MALRD1: variants seen among roughly 807,000 people sequenced by gnomAD.
The protein encoded by MALRD1 is MAM and LDL-receptor class A domain-containing protein 1.
In MALRD1, 247 loss-of-function variants were observed where a neutral mutation model predicts 242.1. The ratio of observed to expected loss-of-function variants is 1.02; its 90% CI spans 0.92 to 1.13. The LOEUF (loss-of-function observed/expected upper bound fraction) is 1.13, where lower values mean the gene tolerates loss of function less well. Among genes scored for constraint, MALRD1 ranks in the 50% most tolerant of loss-of-function variants. The probability of loss-of-function intolerance (pLI) is 0.00; values close to 1 mark genes in which losing one functional copy is unlikely to be tolerated. For synonymous variants in MALRD1, 995 were observed against 866.6 expected (o/e 1.15, Z -2.60); for missense variants, 2,989 against 2,533.1 (o/e 1.18, Z -3.86).
chr10:19,558,700 T>C (rs1835832564), intron 32 of MALRD1, among the ~76,000 whole-genome samples: 1 of 152,172 alleles, frequency 6.6e-6, no homozygotes, highest in Non-Finnish European at 1.5e-5. Context: ...TTTTCCTTTC[T>C]AGTAATGTTT....
chr10:19,730,276 T>C (rs1835234786), intron 38 of MALRD1, among the ~76,000 whole-genome samples: 1 of 152,216 alleles, frequency 6.6e-6, no homozygotes, highest in Non-Finnish European at 1.5e-5. Context: ...GATACTGTCA[T>C]GGAAAACAGT....
Position 19,641,890 on chromosome 10 carries a change from C to A in MALRD1, c.6137+25967C>A, listed in dbSNP as rs538925157. On this transcript the variant is annotated intron_variant, in intron 36 of 39. Transcript: ENST00000454679. The stretch of plus-strand genomic sequence containing the variant: ...AAATGACCCAAGTGGTGTTACAACC[C>A]ACAGATCTAAACTCTGTCCTTTTAT... 1.3e-4 allele frequency among the ~76,000 whole-genome samples: 20 copies of A among 152,022 alleles called. 1 individual carries two copies. In the South Asian group the frequency reaches 4.0e-3, roughly 30 times the overall value.
rs996105083 is a variant in MALRD1 at position 19,124,539 on chromosome 10, G to A, written c.812G>A (p.Gly271Glu). The change falls in exon 7 of 40, where the codon GGG becomes GAG. Residue 271 changes from glycine (G) to glutamate (E), a missense_variant. Coordinates refer to ENST00000454679, the MANE Select transcript of MALRD1 (RefSeq NM_001142308.3). Reference protein sequence around the residue: ...DEELRLCQACGFEFDMCEWTS... With the variant: ...DEELRLCQACEFEFDMCEWTS... ...TCCCGTTTAGTGTGTCAGGCCTGTG[G>A]GTTTGAATTTGACATGTGTGAGTGG... 4 of 1,233,656 alleles carry A rather than the reference G, an allele frequency of 3.2e-6. No individual in the cohort carries two copies. The highest frequency in any genetic ancestry group is 4.2e-5 in the Admixed American group (1 of 23,670). The allele number at this position is 1,233,656 out of a possible 1,614,324, so 76.4% of individuals were successfully genotyped here.
At chr10:19,047,690 A>T (rs1198092935), upstream of MALRD1, among the ~76,000 whole-genome samples, 1 of 152,160 alleles carries the variant, frequency 6.6e-6, no homozygotes, top group African/African-American at 2.4e-5. Flanking sequence ...GATTATGTGG[A>T]GTGCTCAGAG....
chr10:19,498,737 T>C, intron 31 of MALRD1, 91 bp downstream of exon 31: 1 of 1,412,720 alleles, frequency 7.1e-7, no homozygotes, highest in Non-Finnish European at 9.5e-7. Flanking sequence ...GCATTTCTTA[T>C]GTGTATGTGG....
chr10:19,063,888 A>G (rs1171663265), intron 1 of MALRD1, among the ~76,000 whole-genome samples: 1 of 152,128 alleles, frequency 6.6e-6, no homozygotes, highest in Admixed American at 6.5e-5. Context: ...GCACATGTAT[A>G]CATATGTAAC....
At chr10:19,436,326 G>A (rs542654518) in intron 28 of MALRD1, among the ~76,000 whole-genome samples, 6 of 152,260 alleles carry the variant, frequency 3.9e-5, no homozygotes, top group African/African-American at 1.2e-4. Flanking sequence ...GCAATCATCT[G>A]TATCTAAATT....
chr10:19,578,985 T>C (rs1208657429), intron 33 of MALRD1, among the ~76,000 whole-genome samples: 2 of 152,168 alleles, frequency 1.3e-5, no homozygotes, highest in Non-Finnish European at 2.9e-5. Flanking sequence ...TAGTTGTTTC[T>C]ATTAGGAAGG....
intron 28 of MALRD1, among the ~76,000 whole-genome samples, chr10:19,393,731 A>C (rs1846449366): frequency 6.6e-6 from 1 of 151,808 alleles, no homozygotes; most frequent in South Asian, 2.1e-4. Flanking sequence ...GCTGGATTAC[A>C]GGCGTGAGCC....
At chr10:19,319,597 A>G (rs1842836419) in intron 21 of MALRD1, among the ~76,000 whole-genome samples, 1 of 152,150 alleles carries the variant, frequency 6.6e-6, no homozygotes, top group Non-Finnish European at 1.5e-5. Flanking sequence ...ACATTTATTT[A>G]TCACAGTTCT....
At chr10:19,676,130 A>G (rs1474468832) in intron 36 of MALRD1, among the ~76,000 whole-genome samples, 1 of 152,176 alleles carries the variant, frequency 6.6e-6, no homozygotes, top group Non-Finnish European at 1.5e-5. Context: ...TGAGTCAAGG[A>G]GGAATTGAGA....
At chr10:19,389,690 A>G (rs1349150266) in intron 28 of MALRD1, 81 bp downstream of exon 28, 6 of 1,417,072 alleles carry the variant, frequency 4.2e-6, no homozygotes, top group African/African-American at 1.4e-5. Flanking sequence ...CTCAGGCTGC[A>G]GTGCAGTGGT....
At chr10:19,159,655 A>C (rs4320861) in intron 12 of MALRD1, among the ~76,000 whole-genome samples, 1 of 151,826 alleles carries the variant, frequency 6.6e-6, no homozygotes, top group Non-Finnish European at 1.5e-5. Context: ...AAAGAAAGAA[A>C]GAAAACAGAA....
At chr10:19,675,812 A>G (rs143723105) in intron 36 of MALRD1, among the ~76,000 whole-genome samples, 41 of 152,330 alleles carry the variant, frequency 2.7e-4, no homozygotes, top group Middle Eastern at 3.4e-3. Context: ...CCTATCTTCT[A>G]AAAGCATATA....
chr10:19,246,694 A>T (rs893303695), intron 18 of MALRD1, among the ~76,000 whole-genome samples: 3 of 152,146 alleles, frequency 2.0e-5, no homozygotes, highest in African/African-American at 7.2e-5. Flanking sequence ...CATAACTGAG[A>T]TAAAAGTCCA....
intron 12 of MALRD1, among the ~76,000 whole-genome samples, chr10:19,164,737 A>G (rs756040826): frequency 2.0e-5 from 3 of 152,180 alleles, no homozygotes; most frequent in Non-Finnish European, 4.4e-5. Flanking sequence ...AATCAATAAC[A>G]GTACGCAATT....
intron 26 of MALRD1, among the ~76,000 whole-genome samples, chr10:19,359,574 G>T (rs531906792): frequency 6.6e-6 from 1 of 152,066 alleles, no homozygotes; most frequent in South Asian, 2.1e-4. Context: ...TTTCACTATT[G>T]TCTTTCCTGT....
At chr10:19,551,202 A>G (rs1589230212) in intron 32 of MALRD1, among the ~76,000 whole-genome samples, 1 of 152,240 alleles carries the variant, frequency 6.6e-6, no homozygotes, top group East Asian at 1.9e-4. Context: ...GATGCTGGAT[A>G]TTAGACCTTT....
In MALRD1 at chr10:19,530,385, T is replaced by TATAA. The variant is rs1564417200; in HGVS notation, c.5321-806_5321-805insAATA. Among the ~76,000 whole-genome samples the TATAA allele has an allele frequency of 7.6e-3, 650 of 85,094 alleles. 34 individuals carry two copies. Among genetic ancestry groups the TATAA allele is most frequent in the South Asian group, 0.013 (43 of 3,250 alleles). The allele number at this position is 85,094 out of a possible 152,430, so 55.8% of individuals were successfully genotyped here. A position where few individuals can be genotyped will look rare whatever the true frequency, so the allele number is the denominator to read the frequency against. ...TATATAAATATTTATATAAATATTA[T>TATAA]ATATTTATATAAATATTATATATTT... On this transcript the variant is annotated intron_variant, in intron 31 of 39. Transcript: ENST00000454679.
Sources: gnomAD v4.1 joint callset for allele counts (sites outside exome capture counted in the v4.1 genomes callset) on GRCh38, gnomAD v4.1.1 for gene constraint, MANE v1.5 for transcripts, NCBI Gene and HGNC (gene_info 2026-07-23, HGNC 2026-07-21) for gene names.